The following RIMS4 variants were observed in gnomAD, a reference collection of about 807,000 sequenced individuals.
RIMS4 encodes the protein regulating synaptic membrane exocytosis protein 4.
Under a neutral mutation model 29.0 loss-of-function variants are expected in RIMS4, and 9 were observed. The ratio of observed to expected loss-of-function variants is 0.31; its 90% CI spans 0.19 to 0.54. RIMS4 has a LOEUF of 0.54. Among genes scored for constraint, RIMS4 ranks in the 20% least tolerant of loss-of-function variants. The pLI is 0.94. For missense variants in RIMS4, 193 were observed against 365.7 expected (o/e 0.53, Z 3.85); for synonymous variants, 130 against 152.9 (o/e 0.85, Z 1.10).
chr20:44,765,632 C>T (rs1005273831), intron 2 of RIMS4, among the ~76,000 whole-genome samples: 5 of 152,150 alleles, frequency 3.3e-5, no homozygotes, highest in Non-Finnish European at 7.3e-5. Context: ...GGGTTCTGAC[C>T]ACCCACCCAG....
intron 2 of RIMS4, among the ~76,000 whole-genome samples, chr20:44,759,564 G>A (rs2066075393): frequency 6.6e-6 from 1 of 152,156 alleles, no homozygotes; most frequent in Admixed American, 6.5e-5. Context: ...TAGCCCAAGA[G>A]GTTGGCTTTT....
chr20:44,801,717 A>G (rs1381717067), intron 1 of RIMS4, among the ~76,000 whole-genome samples: 2 of 152,042 alleles, frequency 1.3e-5, no homozygotes, highest in African/African-American at 2.4e-5. Context: ...ATGACTTCCT[A>G]GAGGCTTTAT....
intron 1 of RIMS4, among the ~76,000 whole-genome samples, chr20:44,799,266 G>A (rs1320429404): frequency 1.3e-5 from 2 of 151,966 alleles, no homozygotes; most frequent in Non-Finnish European, 2.9e-5. Flanking sequence ...TCATGCCACT[G>A]CACTCTAGAC....
chr20:44,784,999 C>T (rs1337230926), intron 1 of RIMS4, among the ~76,000 whole-genome samples: 3 of 152,218 alleles, frequency 2.0e-5, no homozygotes, highest in Admixed American at 6.5e-5. Flanking sequence ...CTTCTCACAA[C>T]TCCTAGGTGA....
chr20:44,807,450 A>G (rs2066303618), intron 1 of RIMS4, among the ~76,000 whole-genome samples: 1 of 152,222 alleles, frequency 6.6e-6, no homozygotes, highest in Non-Finnish European at 1.5e-5. Context: ...CTAGTTGGAA[A>G]AAGATGCATT....
In RIMS4 at chr20:44,758,168, C is replaced by A; in HGVS notation, c.253G>T (p.Val85Phe). 6.2e-7 allele frequency: 1 copy of A among 1,612,900 alleles called. No homozygotes were observed. The highest frequency in any genetic ancestry group is 8.5e-7 in the Non-Finnish European group (1 of 1,179,306). ...AACTGGGCGTCCGACGCCAGGCAAA[C>A]TCCTCCATAGTTAAGGCTGCAAGAG... ...GSEGNLNYGG[V>F]CLASDAQFSD... The change falls in exon 3 of 6, where the codon GTT (valine) becomes TTT (phenylalanine). Residue 85 changes from valine to phenylalanine, a missense_variant. By Grantham distance (50) the Val-to-Phe change is conservative (BLOSUM62 -1). Coordinates refer to ENST00000372851, the MANE Select transcript of RIMS4 (RefSeq NM_182970.4).
At chr20:44,788,956 G>C (rs2066220754) in intron 1 of RIMS4, among the ~76,000 whole-genome samples, 1 of 151,988 alleles carries the variant, frequency 6.6e-6, no homozygotes, top group African/African-American at 2.4e-5. Flanking sequence ...ATGTCTTACA[G>C]AACAGTAATA....
intron 1 of RIMS4, among the ~76,000 whole-genome samples, chr20:44,787,022 C>G (rs142356280): frequency 2.0e-5 from 3 of 152,120 alleles, no homozygotes; most frequent in African/African-American, 7.2e-5. Context: ...CAGACAAATA[C>G]AGAAAGATAG....
intron 1 of RIMS4, among the ~76,000 whole-genome samples, chr20:44,775,284 C>T (rs2066154977): frequency 6.6e-6 from 1 of 152,142 alleles, no homozygotes; most frequent in Non-Finnish European, 1.5e-5. Context: ...TCCTCCAAGA[C>T]CCCCTTTTTA....
In RIMS4 at chr20:44,755,060, T is replaced by C. The variant is rs2145440413; in HGVS notation, c.*1074A>G. The C allele has an allele frequency of 6.5e-6, 1 of 152,836 alleles. No homozygotes were observed. The highest frequency in any genetic ancestry group is 2.1e-4 in the South Asian group (1 of 4,832). The allele number at this position is 152,836 out of a possible 1,614,324, so 9.5% of individuals were successfully genotyped here. On this transcript the variant is annotated 3_prime_UTR_variant, in exon 6 of 6. Coordinates refer to ENST00000372851, the MANE Select transcript of RIMS4 (RefSeq NM_182970.4). ...TTTCTCTCCTACCGCCATCTTTCCTTCAGCCAAGGTAATTGAGGCCGGGGC... is the reference window on the plus strand; with the variant it reads ...TTTCTCTCCTACCGCCATCTTTCCTCCAGCCAAGGTAATTGAGGCCGGGGC...
chr20:44,782,932 C>T (rs772384380), intron 1 of RIMS4, among the ~76,000 whole-genome samples: 17 of 152,192 alleles, frequency 1.1e-4, no homozygotes, highest in Non-Finnish European at 2.2e-4. Context: ...TCCATGTTAA[C>T]TGTGAAATAG....
At chr20:44,771,817 G>A (rs1265088752) in intron 1 of RIMS4, among the ~76,000 whole-genome samples, 1 of 152,086 alleles carries the variant, frequency 6.6e-6, no homozygotes, top group Non-Finnish European at 1.5e-5. Context: ...ATGGCATATT[G>A]CTTTGCAGTA....
At chr20:44,796,799 G>T (rs916849536) in intron 1 of RIMS4, among the ~76,000 whole-genome samples, 2 of 152,234 alleles carry the variant, frequency 1.3e-5, no homozygotes, top group Non-Finnish European at 2.9e-5. Context: ...GTTTTGCCTG[G>T]AAGGAACAAA....
chr20:44,757,543 A>G, intron 4 of RIMS4, 127 bp downstream of exon 4: 2 of 717,576 alleles, frequency 2.8e-6, no homozygotes, highest in Non-Finnish European at 5.0e-6. Context: ...TCCACATAAG[A>G]CATCAGAGTT....
chr20:44,771,540 G>A (rs1320100729), intron 1 of RIMS4, 127 bp from the exon 2 acceptor site: 5 of 1,003,912 alleles, frequency 5.0e-6, no homozygotes. Context: ...TCCACCCTCA[G>A]CCCATCAACC....
intron 2 of RIMS4, among the ~76,000 whole-genome samples, chr20:44,764,181 TCCATCCA>T (rs2066101683): frequency 1.6e-5 from 1 of 64,490 alleles, no homozygotes. Context: ...CATCCATCCA[TCCATCCA>T]TTTATCCATC....
intron 1 of RIMS4, among the ~76,000 whole-genome samples, chr20:44,793,403 G>C (rs911612981): frequency 6.6e-6 from 1 of 152,174 alleles, no homozygotes; most frequent in African/African-American, 2.4e-5. Flanking sequence ...AATGCGGAGG[G>C]GGAGGGAGCC....
intron 2 of RIMS4, 78 bp downstream of exon 2, chr20:44,771,197 A>G (rs1215403489): frequency 2.6e-6 from 4 of 1,518,094 alleles, no homozygotes; most frequent in South Asian, 1.3e-5. Context: ...TAGGGCTCCC[A>G]GAGGGGTTGC....
In RIMS4 at chr20:44,780,012, G is replaced by C. The variant is rs187480088; in HGVS notation, c.98-8599C>G. Among the ~76,000 whole-genome samples, 61 of 152,256 alleles carry C rather than the reference G, an allele frequency of 4.0e-4. No individual in the cohort carries two copies. In the South Asian group the frequency reaches 8.5e-3, roughly 21 times the overall value. On this transcript the variant is annotated intron_variant, in intron 1 of 5. Transcript: ENST00000372851. ...TCTTTGTTAAGAGAATGTGTATACA[G>C]GGCAAACAGCACCCAGAACAGGACA...
Sources: allele counts gnomAD v4.1 joint callset (sites outside exome capture counted in the v4.1 genomes callset), GRCh38; gene constraint gnomAD v4.1.1; transcripts MANE v1.5; gene names NCBI Gene and HGNC (gene_info 2026-07-23, HGNC 2026-07-21).